Variants in S100A14 observed in about 807,000 individuals in gnomAD.
The protein encoded by S100A14 is protein S100-A14.
In S100A14, 6 loss-of-function variants were observed where a neutral mutation model predicts 10.6. That is an observed-to-expected ratio of 0.57 (90% CI 0.31 to 1.12). The LOEUF is 1.12. Ranked by LOEUF, S100A14 falls within the 50% of genes most tolerant of loss-of-function variation. The pLI is 0.06. For missense variants in S100A14, 121 were observed against 128.7 expected (o/e 0.94, Z 0.29); for synonymous variants, 51 against 51.0 (o/e 1.00, Z 0.00).
chr1:153,616,166 C>T, intron 1 of S100A14, 129 bp downstream of exon 1: 2 of 311,154 alleles, frequency 6.4e-6, no homozygotes, highest in Non-Finnish European at 1.2e-5. Context: ...TTTCCACCTC[C>T]TCCAACCACC....
intron 3 of S100A14, 38 bp from the exon 4 acceptor site, chr1:153,615,060 C>T (rs1390349309): frequency 6.2e-7 from 1 of 1,607,652 alleles, no homozygotes; most frequent in Non-Finnish European, 8.5e-7. Context: ...AGGGATGCAG[C>T]ACCTTCCAAT....
rs1247078783 is a variant in S100A14, at chr1:153,614,346, C to G, written c.*539G>C. 6.5e-6 allele frequency: 1 copy of G among 153,192 alleles called. No individual in the cohort carries two copies. The highest frequency in any genetic ancestry group is 2.4e-5 in the African/African-American group (1 of 41,446). The allele number at this position is 153,192 out of a possible 1,614,324, so 9.5% of individuals were successfully genotyped here. On this transcript the variant is annotated 3_prime_UTR_variant, in exon 4 of 4. Transcript: ENST00000344616. ...AAGCACCCAGCTGGTCCTCTCCCCA[C>G]ATGTCACACTCTCCTCAGCCTCTCC...
Position 153,614,739 on chromosome 1 carries a change from G to T in S100A14, c.*146C>A. On this transcript the variant is annotated 3_prime_UTR_variant, in exon 4 of 4. Transcript: ENST00000344616. Reference sequence around the variant, plus strand: ...CTCCCCAGAGCATCCAAGACAGAGTGCACAGAGACCTGGGGAAGGAAGCTG... The same window carrying T: ...CTCCCCAGAGCATCCAAGACAGAGTTCACAGAGACCTGGGGAAGGAAGCTG... The T allele has an allele frequency of 1.0e-6, 1 of 971,716 alleles. No individual in the cohort carries two copies. Among genetic ancestry groups the T allele is most frequent in the Non-Finnish European group, 1.5e-6 (1 of 669,522 alleles). 60.2% of individuals were successfully genotyped at this position (971,716 alleles called of 1,614,324 possible). A position where few individuals can be genotyped will look rare whatever the true frequency, so the allele number is the denominator to read the frequency against.
rs1666923456 is a variant in S100A14 at position 153,614,813 on chromosome 1, T to C, written c.*72A>G. 1 of 1,550,456 alleles carries C rather than the reference T, an allele frequency of 6.4e-7. No homozygotes were observed. The highest frequency in any genetic ancestry group is 1.7e-4 in the Middle Eastern group (1 of 5,722). Reference sequence around the variant, plus strand: ...TGCAGGCTAGGGTACAGGGTGGTGGTAGAGGAGACAAGTTTTATCTCCAGG... The same window carrying C: ...TGCAGGCTAGGGTACAGGGTGGTGGCAGAGGAGACAAGTTTTATCTCCAGG... On this transcript the variant is annotated 3_prime_UTR_variant, in exon 4 of 4. Coordinates refer to ENST00000344616, the MANE Select transcript of S100A14 (RefSeq NM_020672.3).
rs1447895399 is a variant in S100A14, at chr1:153,614,841, C to T, written c.*44G>A. 6.3e-7 allele frequency: 1 copy of T among 1,599,224 alleles called. No individual in the cohort carries two copies. Among genetic ancestry groups the T allele is most frequent in the East Asian group, 2.2e-5 (1 of 44,800 alleles). On this transcript the variant is annotated 3_prime_UTR_variant, in exon 4 of 4. Coordinates refer to ENST00000344616, the MANE Select transcript of S100A14 (RefSeq NM_020672.3). ...AGGAGACAAGTTTTATCTCCAGGCC[C>T]ACAGTCTCTCCCCAACACCCCCCAA...
chr1:153,615,225 C>T lies in S100A14; in HGVS notation c.177+10G>A, dbSNP rs1208297997. The T allele has an allele frequency of 5.6e-6, 9 of 1,613,158 alleles. No individual in the cohort carries two copies. Among genetic ancestry groups the T allele is most frequent in the Non-Finnish European group, 7.6e-6 (9 of 1,179,732 alleles). Reference sequence around the variant, plus strand: ...GGTACTGGCTGAGGTGGGGTGTGCTCCGTCCATACCGGCATGAGATGGGGC... The same window carrying T: ...GGTACTGGCTGAGGTGGGGTGTGCTTCGTCCATACCGGCATGAGATGGGGC... On this transcript the variant is annotated intron_variant, in intron 3 of 3. Transcript: ENST00000344616.
chr1:153,615,002 C>T lies in S100A14; in HGVS notation c.198G>A (p.Glu66=), dbSNP rs1173663845. The T allele has an allele frequency of 2.5e-6, 4 of 1,613,872 alleles. No homozygotes were observed. The African/African-American group carries it at 5.3e-5, about 22-fold the overall frequency. Reference sequence around the variant, plus strand: ...TGCAGCTGCCCAGGTTGGCAATTTTCTCTTCCAGGCCACAGTTGCTCTGAG... The same window carrying T: ...TGCAGCTGCCCAGGTTGGCAATTTTTTCTTCCAGGCCACAGTTGCTCTGAG... ...HLMPSNCGLE[E]KIANLGSCND... The change falls in exon 4 of 4, where the codon GAG becomes GAA. Residue 66 remains glutamate (E), a synonymous_variant. Coordinates refer to ENST00000344616, the MANE Select transcript of S100A14 (RefSeq NM_020672.3).
rs1278142575 is a variant in S100A14, at chr1:153,615,401, C to T, written c.31-20G>A. The stretch of plus-strand genomic sequence containing the variant: ...AGCATCCTGAGGGCAGGGGACATCA[C>T]AAACATCAGTGAAGCTCCATGCACC... On this transcript the variant is annotated intron_variant, in intron 2 of 3. Coordinates refer to ENST00000344616, the MANE Select transcript of S100A14 (RefSeq NM_020672.3). 6.2e-7 allele frequency: 1 copy of T among 1,611,154 alleles called. No homozygotes were observed.
Position 153,615,891 on chromosome 1 carries a change from T to C in S100A14, c.-33A>G. ...ACTGTGTCTGGTCCTTTGGTGAGAG[T>C]TCTGTTGTCCTATAGCTGGCCCCAG... On this transcript the variant is annotated 5_prime_UTR_variant, in exon 2 of 4. Coordinates refer to ENST00000344616, the MANE Select transcript of S100A14 (RefSeq NM_020672.3). 6.2e-7 allele frequency: 1 copy of C among 1,612,842 alleles called. No individual in the cohort carries two copies. Among genetic ancestry groups the C allele is most frequent in the Non-Finnish European group, 8.5e-7 (1 of 1,178,968 alleles).
rs1406660457 is a variant in S100A14, at chr1:153,614,645, T to A, written c.*240A>T. 1.1e-5 allele frequency: 5 copies of A among 448,904 alleles called. No individual in the cohort carries two copies. The highest frequency in any genetic ancestry group is 9.8e-5 in the African/African-American group (5 of 50,980). The allele number at this position is 448,904 out of a possible 1,614,324, so 27.8% of individuals were successfully genotyped here. The stretch of plus-strand genomic sequence containing the variant: ...TTGGCTCTTACACAATTTTTATCCC[T>A]CAAATATTCATCCCTGGCCCAACCA... On this transcript the variant is annotated 3_prime_UTR_variant, in exon 4 of 4. Transcript: ENST00000344616.
intron 2 of S100A14, 110 bp from the exon 3 acceptor site, chr1:153,615,491 C>G: frequency 7.9e-7 from 1 of 1,262,320 alleles, no homozygotes; most frequent in South Asian, 1.5e-5. Flanking sequence ...GGAAGGCACA[C>G]AGCTCCCACC....
In S100A14 at chr1:153,614,704, C is replaced by T. The variant is rs1666920897; in HGVS notation, c.*181G>A. On this transcript the variant is annotated 3_prime_UTR_variant, in exon 4 of 4. Coordinates refer to ENST00000344616, the MANE Select transcript of S100A14 (RefSeq NM_020672.3). ...AGCCTCCCTCTGGTGGAGACTCCTC[C>T]ACCCATGAGCTCCCCAGAGCATCCA... is the stretch of plus-strand genomic sequence containing the variant. 5 of 683,306 alleles carry T rather than the reference C, an allele frequency of 7.3e-6. No homozygotes were observed. Among genetic ancestry groups the T allele is most frequent in the Non-Finnish European group, 1.2e-5 (5 of 427,822 alleles). The allele number at this position is 683,306 out of a possible 1,614,324, so 42.3% of individuals were successfully genotyped here. A position where few individuals can be genotyped will look rare whatever the true frequency, so the allele number is the denominator to read the frequency against.
At chr1:153,616,192 C>CAA (rs1409659870) in intron 1 of S100A14, 103 bp downstream of exon 1, 1 of 271,520 alleles carries the variant, frequency 3.7e-6, no homozygotes, top group Admixed American at 4.2e-5. Context: ...CTGCTTGAAA[C>CAA]ACACACACCA....
chr1:153,615,773 C>A, intron 2 of S100A14, 56 bp downstream of exon 2: 1 of 1,592,922 alleles, frequency 6.3e-7, no homozygotes, highest in Non-Finnish European at 8.6e-7. Context: ...GACATAGACC[C>A]TCAGGGTGAA....
At chr1:153,616,116 A>T (rs1666961123) in intron 1 of S100A14, 179 bp downstream of exon 1, 1 of 451,452 alleles carries the variant, frequency 2.2e-6, no homozygotes, top group East Asian at 3.3e-5. Context: ...AGGCCAACGC[A>T]TCTAGGGGGA....
Position 153,614,293 on chromosome 1 carries a change from CA to C in S100A14, c.*591del, listed in dbSNP as rs1666907496. On this transcript the variant is annotated 3_prime_UTR_variant, in exon 4 of 4. Transcript: ENST00000344616. Reference sequence around the variant, plus strand: ...ATTTTTTTTTATTAATCAAATGATACAAAACAACCATCATTCTGTCAATGCC... The same window carrying C: ...ATTTTTTTTTATTAATCAAATGATACAAACAACCATCATTCTGTCAATGCC... The C allele has an allele frequency of 6.6e-6, 1 of 152,080 alleles. No individual in the cohort carries two copies. The highest frequency in any genetic ancestry group is 2.4e-5 in the African/African-American group (1 of 41,354). The allele number at this position is 152,080 out of a possible 1,614,324, so 9.4% of individuals were successfully genotyped here.
rs1180846217 is a variant in S100A14, at chr1:153,615,324, G to A, written c.88C>T (p.His30Tyr). The A allele has an allele frequency of 4.3e-6, 7 of 1,613,926 alleles. No individual in the cohort carries two copies. Among genetic ancestry groups the A allele is most frequent in the Middle Eastern group, 1.6e-4 (1 of 6,062 alleles). Residue 30 changes from histidine to tyrosine, a missense_variant, in exon 3 of 4, where the codon CAC becomes TAC. Coordinates refer to ENST00000344616, the MANE Select transcript of S100A14 (RefSeq NM_020672.3). Reference sequence around the variant, plus strand: ...TTCCCACCCTCCACGGAGTACTGGTGAAAGTTCTTGATGAGGGTCTCAATG... The same window carrying A: ...TTCCCACCCTCCACGGAGTACTGGTAAAAGTTCTTGATGAGGGTCTCAATG... The part of the protein sequence containing the change: ...RAIETLIKNF[H>Y]QYSVEGGKET...
rs1224140418 is a variant in S100A14 at position 153,614,946 on chromosome 1, C to T, written c.254G>A (p.Trp85Ter). ...CTTGGCCGCTTCTCCAATCAGCTCC[C>T]AGAAACTCCTGAACTCCAGTTTAGA... ...NDSKLEFRSFWELIGEAAKSV... is the reference protein window; with the variant it reads ...NDSKLEFRSF Residue 85 changes from tryptophan to a stop codon, truncating the protein, a stop_gained, in exon 4 of 4, where the codon TGG (tryptophan) becomes TAG (stop). Transcript: ENST00000344616. LOFTEE classifies it high-confidence loss of function. 2.5e-6 allele frequency: 4 copies of T among 1,614,032 alleles called. No individual in the cohort carries two copies. In the South Asian group the frequency reaches 4.4e-5, roughly 18 times the overall value.
At chr1:153,616,059 T>C (rs937198776) in intron 1 of S100A14, 123 bp from the exon 2 acceptor site, 2 of 541,786 alleles carry the variant, frequency 3.7e-6, no homozygotes, top group Non-Finnish European at 3.3e-6. Flanking sequence ...CAACACCACA[T>C]AGGCCCAGGC....
Sources: allele counts gnomAD v4.1 joint callset, GRCh38; gene constraint gnomAD v4.1.1; transcripts MANE v1.5; gene names NCBI Gene and HGNC (gene_info 2026-07-23, HGNC 2026-07-21).